POC5: variants seen among roughly 807,000 people sequenced by gnomAD.
POC5 encodes POC5 centriolar protein.
Under a neutral mutation model 62.9 loss-of-function variants are expected in POC5, and 48 were observed. That is an observed-to-expected ratio of 0.76 (90% CI 0.61 to 0.97). The LOEUF (loss-of-function observed/expected upper bound fraction) is 0.97, where lower values mean the gene tolerates loss of function less well. Ranked by LOEUF, POC5 falls within the 50% of genes least tolerant of loss-of-function variation. POC5 has a pLI of 0.00. For missense variants in POC5, 696 were observed against 679.5 expected (o/e 1.02, Z -0.27); for synonymous variants, 236 against 228.2 (o/e 1.03, Z -0.31).
At chr5:75,709,576 T>C (rs1777260075) in intron 2 of POC5, 1 of 152,322 alleles carries the variant, frequency 6.6e-6, no homozygotes, top group East Asian at 1.9e-4. Flanking sequence ...CCAGTTTTAG[T>C]ATATGTGCTG....
chr5:75,713,485 G>A (rs1167753393), intron 1 of POC5, among the ~76,000 whole-genome samples: 1 of 152,084 alleles, frequency 6.6e-6, no homozygotes, highest in Non-Finnish European at 1.5e-5. Context: ...GTGACTATTC[G>A]AACTATCTGA....
At chr5:75,707,030 G>C (rs1388473043) in intron 3 of POC5, among the ~76,000 whole-genome samples, 1 of 152,204 alleles carries the variant, frequency 6.6e-6, no homozygotes, top group Non-Finnish European at 1.5e-5. Flanking sequence ...CGCCTTCAAG[G>C]ACAGGGATCC....
At chr5:75,687,537 G>C (rs568129428) in intron 9 of POC5, among the ~76,000 whole-genome samples, 2 of 152,102 alleles carry the variant, frequency 1.3e-5, no homozygotes, top group African/African-American at 4.8e-5. Context: ...CTTTCTCATC[G>C]ATTGTTTCAA....
chr5:75,675,866 G>A (rs1775630147), intron 11 of POC5, among the ~76,000 whole-genome samples: 1 of 152,226 alleles, frequency 6.6e-6, no homozygotes, highest in Admixed American at 6.5e-5. Flanking sequence ...AGCAGATGAG[G>A]CTACAGTGTC....
rs2112198561 is a variant in POC5 at position 75,707,776 on chromosome 5, C to T, written c.184G>A (p.Val62Ile). 4 of 1,565,458 alleles carry T rather than the reference C, an allele frequency of 2.6e-6. No individual in the cohort carries two copies. The highest frequency in any genetic ancestry group is 3.5e-6 in the Non-Finnish European group (4 of 1,151,062). ...SHPKGELVPD[V>I]RISTIHDILH... The stretch of plus-strand genomic sequence containing the variant: ...ATATCATGAATTGTAGAAATTCTGA[C>T]ATCTGGCACCAATTCTCCCTTAGGA... The change falls in exon 3 of 12, where the codon GTC becomes ATC. Residue 62 changes from valine (V) to isoleucine (I), a missense_variant. By Grantham distance (29) the Val-to-Ile change is conservative. Transcript: ENST00000428202.
chr5:75,713,106 A>G (rs1409283877), intron 1 of POC5, among the ~76,000 whole-genome samples, 155 bp from the exon 2 acceptor site: 4 of 152,256 alleles, frequency 2.6e-5, no homozygotes, highest in African/African-American at 9.6e-5. Context: ...CAGGCAAAAA[A>G]TCACTGGGCA....
chr5:75,689,527 A>AAAATG, intron 8 of POC5: 1 of 917,964 alleles, frequency 1.1e-6, no homozygotes, highest in South Asian at 5.4e-5. Flanking sequence ...CTTTCAGAAA[A>AAAATG]AAATAAAATA....
chr5:75,712,331 T>G, intron 2 of POC5: 1 of 1,508,600 alleles, frequency 6.6e-7, no homozygotes, highest in Non-Finnish European at 9.2e-7. Context: ...TAAGAGAAAT[T>G]TAAAACATTT....
chr5:75,710,273 C>T (rs1777288843), intron 2 of POC5, among the ~76,000 whole-genome samples: 1 of 152,152 alleles, frequency 6.6e-6, no homozygotes, highest in African/African-American at 2.4e-5. Context: ...TTATACTTCC[C>T]AAACACCCAA....
In POC5 at chr5:75,674,515, A is replaced by C. The variant is rs1042411116; in HGVS notation, c.1648T>G (p.Ser550Ala). The C allele has an allele frequency of 1.4e-5, 23 of 1,613,984 alleles. No homozygotes were observed. Among genetic ancestry groups the C allele is most frequent in the Non-Finnish European group, 1.9e-5 (23 of 1,179,842 alleles). Residue 550 changes from serine (S) to alanine (A), a missense_variant, in exon 12 of 12, where the codon TCA becomes GCA. Transcript: ENST00000428202. ...PRTIHPESST[S>A]ASRSLGTRSA... The stretch of plus-strand genomic sequence containing the variant: ...CTGGTTCCAAGTGATCTGGAAGCTG[A>C]GGTACTACTTTCAGGATGAATGGTC...
intron 2 of POC5, among the ~76,000 whole-genome samples, chr5:75,710,110 C>T (rs748461149): frequency 1.3e-5 from 2 of 152,190 alleles, no homozygotes; most frequent in Admixed American, 6.5e-5. Flanking sequence ...AATGCAAACA[C>T]GGTCAACAGC....
chr5:75,701,152 G>T (rs578100826), intron 5 of POC5, among the ~76,000 whole-genome samples: 1 of 137,834 alleles, frequency 7.3e-6, no homozygotes, highest in South Asian at 2.6e-4. Context: ...CATTGTGGAA[G>T]TCAGTGTGGC....
intron 2 of POC5, among the ~76,000 whole-genome samples, chr5:75,710,844 C>A (rs1343818858): frequency 6.6e-6 from 1 of 152,130 alleles, no homozygotes; most frequent in African/African-American, 2.4e-5. Context: ...GTTAGCCTAT[C>A]ACCACCTCTA....
intron 10 of POC5, among the ~76,000 whole-genome samples, chr5:75,684,929 G>A (rs6867211): frequency 4.7e-4 from 70 of 150,274 alleles, no homozygotes; most frequent in Non-Finnish European, 7.2e-4. Flanking sequence ...GTGCAGTGGC[G>A]CGATCTCGGC....
chr5:75,679,380 A>G (rs1395097444), intron 10 of POC5, among the ~76,000 whole-genome samples: 1 of 152,186 alleles, frequency 6.6e-6, no homozygotes, highest in Non-Finnish European at 1.5e-5. Context: ...TTTCCCGATT[A>G]TTATAGTTCA....
intron 10 of POC5, among the ~76,000 whole-genome samples, chr5:75,679,537 G>C (rs904395927): frequency 6.6e-6 from 1 of 152,082 alleles, no homozygotes; most frequent in African/African-American, 2.4e-5. Context: ...ATGGAAAACA[G>C]CATTCAGTGG....
chr5:75,683,238 TG>T (rs1775938324), intron 10 of POC5, among the ~76,000 whole-genome samples: 2 of 51,426 alleles, frequency 3.9e-5, no homozygotes, highest in South Asian at 1.1e-3. Flanking sequence ...TTAACAGTGT[TG>T]TTTTTTTTTT....
At chr5:75,714,502 G>A (rs962564635) in intron 1 of POC5, among the ~76,000 whole-genome samples, 2 of 152,236 alleles carry the variant, frequency 1.3e-5, no homozygotes, top group African/African-American at 4.8e-5. Flanking sequence ...ATGGGAAGGG[G>A]ATGGAGGGTA....
At chr5:75,681,625 A>T (rs894651522) in intron 10 of POC5, among the ~76,000 whole-genome samples, 9 of 137,288 alleles carry the variant, frequency 6.6e-5, no homozygotes, top group South Asian at 4.2e-4. Flanking sequence ...AATTTAAATA[A>T]TTTTTTAAAA....
Sources: allele counts gnomAD v4.1 joint callset (sites outside exome capture counted in the v4.1 genomes callset), GRCh38; gene constraint gnomAD v4.1.1; transcripts MANE v1.5; gene names NCBI Gene and HGNC (gene_info 2026-07-23, HGNC 2026-07-21).